The following SNTG2 variants were observed in gnomAD, a reference collection of about 807,000 sequenced individuals.
The protein encoded by SNTG2 is syntrophin gamma 2, also known as gamma-2-syntrophin.
Under a neutral mutation model 70.9 loss-of-function variants are expected in SNTG2, and 74 were observed. The observed-to-expected ratio is 1.04, with a 90% CI of 0.86 to 1.27. The LOEUF is 1.27. Ranked by LOEUF, SNTG2 falls within the 50% of genes most tolerant of loss-of-function variation. The pLI is 0.00. For synonymous variants in SNTG2, 278 were observed against 273.8 expected (o/e 1.02, Z -0.15); for missense variants, 717 against 690.7 (o/e 1.04, Z -0.43).
rs1018606028 is a variant in SNTG2 at position 1,098,496 on chromosome 2, T to C, written c.325+86T>C. On this transcript the variant is annotated intron_variant, in intron 4 of 16. Coordinates refer to ENST00000308624, the MANE Select transcript of SNTG2 (RefSeq NM_018968.4). ...TGAAAATGATAAAAATCAGCAGATA[T>C]GTGTTTTGCTCGATTACCTAAACTT... 46 of 1,400,350 alleles carry C rather than the reference T, an allele frequency of 3.3e-5. No individual in the cohort carries two copies. The Admixed American group carries it at 4.2e-4, about 13-fold the overall frequency. 86.7% of individuals were successfully genotyped at this position (1,400,350 alleles called of 1,614,324 possible).
chr2:1,285,241 G>C (rs1679719261), intron 14 of SNTG2, among the ~76,000 whole-genome samples: 1 of 152,128 alleles, frequency 6.6e-6, no homozygotes, highest in Admixed American at 6.5e-5. Context: ...GGGTGGGTCT[G>C]CCTTTCCCAG....
chr2:1,264,628 A>C (rs1230702490), intron 13 of SNTG2, among the ~76,000 whole-genome samples: 1 of 152,210 alleles, frequency 6.6e-6, no homozygotes, highest in African/African-American at 2.4e-5. Context: ...AGATGATGTA[A>C]ACTTATGGTG....
intron 6 of SNTG2, among the ~76,000 whole-genome samples, chr2:1,154,112 AGGGCAG>A (rs1349064307): frequency 6.6e-6 from 1 of 151,874 alleles, no homozygotes; most frequent in Non-Finnish European, 1.5e-5. Context: ...AATGAGGAAG[AGGGCAG>A]GGAGCCAACA....
intron 16 of SNTG2, among the ~76,000 whole-genome samples, chr2:1,359,913 A>G (rs370924685): frequency 1.3e-5 from 2 of 152,174 alleles, no homozygotes; most frequent in African/African-American, 4.8e-5. Context: ...TACTTTGTCC[A>G]TATCTTCTTT....
At chr2:1,286,744 G>T (rs369033229) in intron 14 of SNTG2, among the ~76,000 whole-genome samples, 224 of 152,298 alleles carry the variant, frequency 1.5e-3, no homozygotes, top group African/African-American at 5.3e-3. Flanking sequence ...CCCGAGGAAT[G>T]GTGCCATATT....
chr2:1,329,673 A>C (rs1247340731), intron 16 of SNTG2, among the ~76,000 whole-genome samples: 1 of 152,222 alleles, frequency 6.6e-6, no homozygotes, highest in East Asian at 1.9e-4. Flanking sequence ...ATGTGTTCTT[A>C]GTTTTGACAC....
intron 1 of SNTG2, among the ~76,000 whole-genome samples, chr2:1,008,789 A>C (rs1659643053): frequency 6.6e-6 from 1 of 152,234 alleles, no homozygotes; most frequent in Admixed American, 6.5e-5. Context: ...AATAAATACA[A>C]GTTTATAAGT....
chr2:1,140,339 T>C (rs868164514), intron 6 of SNTG2, among the ~76,000 whole-genome samples: 2 of 152,258 alleles, frequency 1.3e-5, no homozygotes, highest in African/African-American at 4.8e-5. Flanking sequence ...CATATAATAC[T>C]GTAGCCAGCT....
chr2:1,265,217 T>G lies in SNTG2; in HGVS notation c.1078-2148T>G, dbSNP rs571571880. 2.0e-5 allele frequency among the ~76,000 whole-genome samples: 3 copies of G among 152,364 alleles called. No homozygotes were observed. The East Asian group carries it at 5.8e-4, about 29-fold the overall frequency. ...AACATGTTGTTCTTGGTTTGTGACG[T>G]GTAACCCTATAGGTTCCAGGTATCC... On this transcript the variant is annotated intron_variant, in intron 13 of 16. Coordinates refer to ENST00000308624, the MANE Select transcript of SNTG2 (RefSeq NM_018968.4).
intron 4 of SNTG2, among the ~76,000 whole-genome samples, chr2:1,114,897 C>G (rs1218695891): frequency 6.6e-6 from 1 of 151,826 alleles, no homozygotes; most frequent in Non-Finnish European, 1.5e-5. Flanking sequence ...TGTGGTTTAA[C>G]CCTTACAGTC....
chr2:1,262,684 C>T (rs1394301423), intron 13 of SNTG2, among the ~76,000 whole-genome samples: 2 of 141,826 alleles, frequency 1.4e-5, no homozygotes, highest in African/African-American at 2.7e-5. Flanking sequence ...ACGAGGCAAC[C>T]GGAAGGCTCC....
intron 14 of SNTG2, among the ~76,000 whole-genome samples, chr2:1,280,944 G>A (rs554896666): frequency 2.3e-4 from 35 of 152,314 alleles, no homozygotes; most frequent in South Asian, 8.3e-4. Flanking sequence ...TGCTGTGCAC[G>A]TGGACACGTA....
At chr2:1,053,448 C>T (rs1662187898) in intron 1 of SNTG2, among the ~76,000 whole-genome samples, 1 of 152,000 alleles carries the variant, frequency 6.6e-6, no homozygotes, top group Non-Finnish European at 1.5e-5. Context: ...CTGGTGTTGA[C>T]TGTTGATCAG....
intron 6 of SNTG2, among the ~76,000 whole-genome samples, chr2:1,152,598 A>G (rs945154482): frequency 3.9e-5 from 5 of 127,734 alleles, no homozygotes; most frequent in African/African-American, 1.9e-4. Context: ...GCACATGTGC[A>G]TGTGTGTATG....
chr2:1,076,537 G>T (rs1263451234), intron 1 of SNTG2, among the ~76,000 whole-genome samples: 1 of 152,178 alleles, frequency 6.6e-6, no homozygotes, highest in Non-Finnish European at 1.5e-5. Flanking sequence ...TGAGTGTTAT[G>T]CTGTGTGATA....
At chr2:997,301 C>T (rs1224732912) in intron 1 of SNTG2, among the ~76,000 whole-genome samples, 1 of 152,144 alleles carries the variant, frequency 6.6e-6, no homozygotes, top group Non-Finnish European at 1.5e-5. Flanking sequence ...ATGAGCCAGC[C>T]ATGAGGACGT....
intron 14 of SNTG2, among the ~76,000 whole-genome samples, chr2:1,299,217 C>G (rs1268308717): frequency 6.6e-6 from 1 of 152,252 alleles, no homozygotes; most frequent in Non-Finnish European, 1.5e-5. Flanking sequence ...ACATCTGTCA[C>G]TAGTCCTGAC....
chr2:1,197,521 G>GTATGTATATA (rs59683479), intron 8 of SNTG2, among the ~76,000 whole-genome samples: 41 of 94,586 alleles, frequency 4.3e-4, no homozygotes, highest in East Asian at 1.7e-3. Context: ...ATATATGTGT[G>GTATGTATATA]TGTGTGTGTG....
At chr2:1,080,064 A>G (rs562326647) in intron 1 of SNTG2, among the ~76,000 whole-genome samples, 1 of 152,176 alleles carries the variant, frequency 6.6e-6, no homozygotes, top group East Asian at 1.9e-4. Flanking sequence ...GAGGTCCTCC[A>G]TGAGAGCCCC....
Sources: gnomAD v4.1 joint callset for allele counts (sites outside exome capture counted in the v4.1 genomes callset) on GRCh38, gnomAD v4.1.1 for gene constraint, MANE v1.5 for transcripts, NCBI Gene and HGNC (gene_info 2026-07-23, HGNC 2026-07-21) for gene names.